The following GABRG3 variants were observed in gnomAD, a reference collection of about 807,000 sequenced individuals.
The protein encoded by GABRG3 is gamma-aminobutyric acid type A receptor subunit gamma3.
A neutral mutation model predicts 48.8 loss-of-function variants in GABRG3; 25 were observed. The ratio of observed to expected loss-of-function variants is 0.51; its 90% confidence interval spans 0.37 to 0.72. GABRG3 has a LOEUF of 0.72. Among genes scored for constraint, GABRG3 ranks in the 30% least tolerant of loss-of-function variants. The pLI is 0.00. For missense variants in GABRG3, 394 were observed against 577.9 expected (o/e 0.68, Z 3.26); for synonymous variants, 227 against 217.6 (o/e 1.04, Z -0.38).
At chr15:27,362,345 A>G (rs1171331204) in intron 5 of GABRG3, 1 of 152,254 alleles carries the variant, frequency 6.6e-6, no homozygotes, top group Non-Finnish European at 1.5e-5. Context: ...AGGTTCAACC[A>G]AGAGTGAATT....
chr15:27,019,118 G>A (rs1211464816), intron 2 of GABRG3, among the ~76,000 whole-genome samples: 6 of 133,428 alleles, frequency 4.5e-5, no homozygotes, highest in African/African-American at 1.7e-4. Context: ...ACCCCGGCTG[G>A]AGTGCTGTGG....
chr15:26,987,318 T>A (rs559718636), intron 2 of GABRG3, among the ~76,000 whole-genome samples: 4 of 152,228 alleles, frequency 2.6e-5, no homozygotes, highest in Admixed American at 2.0e-4. Flanking sequence ...AGTACCGGAA[T>A]AGAGCCCTTA....
chr15:27,176,161 T>C (rs1247843551), intron 3 of GABRG3, among the ~76,000 whole-genome samples: 1 of 152,216 alleles, frequency 6.6e-6, no homozygotes, highest in African/African-American at 2.4e-5. Flanking sequence ...ACTATGCTAA[T>C]GTGTAATGTG....
chr15:27,393,964 A>G (rs1175860864), intron 5 of GABRG3, among the ~76,000 whole-genome samples: 3 of 152,170 alleles, frequency 2.0e-5, no homozygotes, highest in Non-Finnish European at 4.4e-5. Context: ...ATTTGAACCT[A>G]TGTGTATCTT....
chr15:27,113,928 C>T (rs1206669472), intron 3 of GABRG3, among the ~76,000 whole-genome samples: 1 of 152,186 alleles, frequency 6.6e-6, no homozygotes, highest in Non-Finnish European at 1.5e-5. Flanking sequence ...AGGGAACCAG[C>T]TCATTATTTT....
chr15:27,187,374 G>T (rs1329594888), intron 3 of GABRG3, among the ~76,000 whole-genome samples: 1 of 152,014 alleles, frequency 6.6e-6, no homozygotes, highest in African/African-American at 2.4e-5. Context: ...GCTTAGGATT[G>T]CTTTGGCTAT....
intron 2 of GABRG3, among the ~76,000 whole-genome samples, chr15:27,014,791 T>G (rs1387895375): frequency 6.6e-6 from 1 of 152,134 alleles, no homozygotes; most frequent in East Asian, 1.9e-4. Context: ...TCCAGTTGGT[T>G]TGTAGTGTTG....
intron 3 of GABRG3, chr15:27,208,716 G>GGT: frequency 6.6e-6 from 1 of 152,474 alleles, no homozygotes; most frequent in Non-Finnish European, 1.5e-5. Flanking sequence ...TTAATTCACT[G>GGT]AAGTTTTCCT....
rs1262131279 is a variant in GABRG3, at chr15:27,535,163, A to G, written c.*2282A>G. On this transcript the variant is annotated 3_prime_UTR_variant, in exon 10 of 10. Transcript: ENST00000615808. ...AAGGTGGCCCAAGGGCAGTCTTAAG[A>G]CACAATGTCAAACGTTATGAATGGG... 6.6e-6 allele frequency: 1 copy of G among 152,224 alleles called. No homozygotes were observed. The highest frequency in any genetic ancestry group is 1.5e-5 in the Non-Finnish European group (1 of 68,050). 9.4% of individuals were successfully genotyped at this position (152,224 alleles called of 1,614,324 possible).
intron 3 of GABRG3, among the ~76,000 whole-genome samples, chr15:27,155,407 C>G (rs146960278): frequency 4.6e-5 from 7 of 152,240 alleles, no homozygotes; most frequent in Admixed American, 3.3e-4. Context: ...TCTTTGCCTT[C>G]TTGGTATAGA....
At chr15:27,405,435 T>C (rs886203360) in intron 5 of GABRG3, among the ~76,000 whole-genome samples, 2 of 152,186 alleles carry the variant, frequency 1.3e-5, no homozygotes, top group Admixed American at 6.5e-5. Flanking sequence ...AAATATGAAG[T>C]ATTTGTTAAG....
chr15:27,111,822 T>A (rs1308173411), intron 3 of GABRG3, among the ~76,000 whole-genome samples: 1 of 152,186 alleles, frequency 6.6e-6, no homozygotes, highest in African/African-American at 2.4e-5. Flanking sequence ...TTTCTGTCCC[T>A]ACTCCAGTGA....
chr15:27,512,900 G>A (rs1010342114), intron 6 of GABRG3, among the ~76,000 whole-genome samples: 2 of 152,218 alleles, frequency 1.3e-5, no homozygotes, highest in Middle Eastern at 3.4e-3. Context: ...ATGCAAATGG[G>A]ACCCATGCAG....
chr15:27,471,664 G>T (rs1889791401), intron 5 of GABRG3, among the ~76,000 whole-genome samples: 1 of 152,222 alleles, frequency 6.6e-6, no homozygotes, highest in East Asian at 1.9e-4. Context: ...TGCAAATGTG[G>T]TTTCAGAATT....
intron 6 of GABRG3, among the ~76,000 whole-genome samples, chr15:27,492,191 T>C (rs1890372874): frequency 1.3e-5 from 2 of 152,144 alleles, no homozygotes; most frequent in Admixed American, 6.5e-5. Flanking sequence ...CAGCCCCCAA[T>C]TCTAATGAGG....
chr15:27,374,139 T>C (rs993036293), intron 5 of GABRG3, among the ~76,000 whole-genome samples: 1 of 86,772 alleles, frequency 1.2e-5, no homozygotes, highest in South Asian at 2.9e-4. Flanking sequence ...TCTTTTCTTC[T>C]TTTTTTTTTT....
chr15:27,480,640 G>T lies in GABRG3; in HGVS notation c.575-10G>T. 2 of 1,604,878 alleles carry T rather than the reference G, an allele frequency of 1.2e-6. No homozygotes were observed. The highest frequency in any genetic ancestry group is 2.2e-5 in the East Asian group (1 of 44,704). ...ACCTTCAAGTGCTAATGTTTGCTCT[G>T]TGTTTTTAGATGGCTATCCCAAAGA... On this transcript the variant is annotated splice_polypyrimidine_tract_variant and intron_variant, in intron 5 of 9. Transcript: ENST00000615808.
At position 27,105,600 on chromosome 15, in the gene GABRG3, G is replaced by A. The variant is rs567961428; in HGVS notation, c.270+78779G>A. 2.2e-4 allele frequency among the ~76,000 whole-genome samples: 34 copies of A among 152,220 alleles called. No homozygotes were observed. The South Asian group carries it at 6.8e-3, about 31-fold the overall frequency. The stretch of plus-strand genomic sequence containing the variant: ...TCGGACTAGAAATCATTAACATAAC[G>A]TTTTAGGATGGCGGTTATCAAAAAG... On this transcript the variant is annotated intron_variant, in intron 3 of 9. Coordinates refer to ENST00000615808, the MANE Select transcript of GABRG3 (RefSeq NM_033223.5).
chr15:27,455,374 G>GTTAGTT (rs1566848084), intron 5 of GABRG3, among the ~76,000 whole-genome samples: 1 of 150,972 alleles, frequency 6.6e-6, no homozygotes, highest in Non-Finnish European at 1.5e-5. Flanking sequence ...TGGGTGGTTC[G>GTTAGTT]TGTATGGGGT....
Sources: allele counts gnomAD v4.1 joint callset (sites outside exome capture counted in the v4.1 genomes callset), GRCh38; gene constraint gnomAD v4.1.1; transcripts MANE v1.5; gene names NCBI Gene and HGNC (gene_info 2026-07-23, HGNC 2026-07-21).